The following COL22A1 variants were observed in gnomAD, a reference collection of about 807,000 sequenced individuals.
The protein encoded by COL22A1 is collagen type XXII alpha 1 chain.
A neutral mutation model predicts 248.9 loss-of-function variants in COL22A1; 221 were observed. The ratio of observed to expected loss-of-function variants is 0.89; its 90% CI spans 0.80 to 0.99. The LOEUF is 0.99. Among genes scored for constraint, COL22A1 ranks in the 50% least tolerant of loss-of-function variants. The pLI, the probability that COL22A1 is intolerant of heterozygous loss-of-function variation, is 0.00. For synonymous variants in COL22A1, 891 were observed against 793.4 expected (o/e 1.12, Z -2.07); for missense variants, 2,240 against 2,179.0 (o/e 1.03, Z -0.56).
intron 44 of COL22A1, among the ~76,000 whole-genome samples, chr8:138,658,261 G>C (rs1823472632): frequency 6.6e-6 from 1 of 152,186 alleles, no homozygotes; most frequent in South Asian, 2.1e-4. Flanking sequence ...AAATGTCCAG[G>C]CTGCTGCCTG....
At chr8:138,838,492 G>C (rs1296551361) in intron 4 of COL22A1, among the ~76,000 whole-genome samples, 1 of 152,118 alleles carries the variant, frequency 6.6e-6, no homozygotes, top group Non-Finnish European at 1.5e-5. Flanking sequence ...ACCTTCATCT[G>C]CTTTTCCCTT....
intron 30 of COL22A1, among the ~76,000 whole-genome samples, chr8:138,711,957 C>T (rs925712362): frequency 5.3e-5 from 8 of 152,200 alleles, no homozygotes; most frequent in Non-Finnish European, 8.8e-5. Flanking sequence ...TGCAGCTCTG[C>T]ACAAGCAACT....
At chr8:138,793,560 C>T (rs958885001) in intron 12 of COL22A1, among the ~76,000 whole-genome samples, 2 of 152,224 alleles carry the variant, frequency 1.3e-5, no homozygotes, top group African/African-American at 4.8e-5. Context: ...CTAAAAATAT[C>T]AACTGCAGGA....
At chr8:138,812,540 C>G (rs1037582535) in intron 8 of COL22A1, among the ~76,000 whole-genome samples, 6 of 152,178 alleles carry the variant, frequency 3.9e-5, no homozygotes, top group African/African-American at 1.2e-4. Flanking sequence ...GGGGCAAACC[C>G]TGGTGTCTTG....
At chr8:138,838,871 G>T (rs1820647104) in intron 4 of COL22A1, among the ~76,000 whole-genome samples, 1 of 152,140 alleles carries the variant, frequency 6.6e-6, no homozygotes, top group Non-Finnish European at 1.5e-5. Flanking sequence ...CTTAGTGATG[G>T]CCCAGGTCAC....
intron 52 of COL22A1, 31 bp downstream of exon 52, chr8:138,623,701 G>A (rs1334806246): frequency 5.1e-6 from 8 of 1,579,500 alleles, no homozygotes; most frequent in East Asian, 2.2e-5. Context: ...GATTTGGCAT[G>A]TGATATAATA....
At chr8:138,648,929 G>A (rs1162429346) in intron 46 of COL22A1, among the ~76,000 whole-genome samples, 1 of 152,198 alleles carries the variant, frequency 6.6e-6, no homozygotes, top group Non-Finnish European at 1.5e-5. Context: ...CTATATAAAA[G>A]AGTGAGATTT....
intron 3 of COL22A1, among the ~76,000 whole-genome samples, chr8:138,861,505 G>A (rs1472296173): frequency 1.3e-5 from 2 of 152,198 alleles, no homozygotes; most frequent in Non-Finnish European, 2.9e-5. Context: ...ACATCCTGCA[G>A]GACTCAACGC....
intron 25 of COL22A1, among the ~76,000 whole-genome samples, chr8:138,724,299 C>T (rs76059483): frequency 0.011 from 1,632 of 152,266 alleles, 35 homozygotes; most frequent in East Asian, 0.089. Flanking sequence ...CAAGGACAAG[C>T]GGTCATGCCT....
At chr8:138,660,520 A>G (rs1823725415) in intron 43 of COL22A1, 40 bp from the exon 44 acceptor site, 1 of 1,591,448 alleles carries the variant, frequency 6.3e-7, no homozygotes, top group Admixed American at 1.7e-5. Context: ...TGTGATAAGC[A>G]CACGATCCTG....
At chr8:138,815,809 A>T (rs965162841) in intron 7 of COL22A1, among the ~76,000 whole-genome samples, 5 of 152,166 alleles carry the variant, frequency 3.3e-5, no homozygotes, top group Non-Finnish European at 7.3e-5. Flanking sequence ...GCTTGAGCTC[A>T]GTCAGTGGAG....
At chr8:138,728,472 G>A (rs1333673251) in intron 23 of COL22A1, among the ~76,000 whole-genome samples, 3 of 152,102 alleles carry the variant, frequency 2.0e-5, no homozygotes, top group Admixed American at 6.5e-5. Context: ...GTCTAAGGAT[G>A]CCGATGACCT....
At chr8:138,813,891 C>T (rs2131711728) in intron 7 of COL22A1, among the ~76,000 whole-genome samples, 1 of 152,354 alleles carries the variant, frequency 6.6e-6, no homozygotes, top group South Asian at 2.1e-4. Context: ...TATTTTCAAC[C>T]TCTCCAGGCA....
At chr8:138,885,034 GCACACACA>G (rs1472334695) in intron 1 of COL22A1, among the ~76,000 whole-genome samples, 1 of 148,624 alleles carries the variant, frequency 6.7e-6, no homozygotes, top group South Asian at 2.1e-4. Context: ...ACACACACAC[GCACACACA>G]CACAGGGGAA....
chr8:138,701,712 A>G (rs910386601), intron 31 of COL22A1, among the ~76,000 whole-genome samples: 1 of 152,210 alleles, frequency 6.6e-6, no homozygotes, highest in Non-Finnish European at 1.5e-5. Flanking sequence ...GGATAAGAAA[A>G]TTGGAGGACA....
intron 25 of COL22A1, among the ~76,000 whole-genome samples, chr8:138,723,861 A>G (rs1830094978): frequency 6.6e-6 from 1 of 152,108 alleles, no homozygotes; most frequent in African/African-American, 2.4e-5. Flanking sequence ...TCTCCCATGG[A>G]TCTGTGCTCC....
intron 11 of COL22A1, among the ~76,000 whole-genome samples, chr8:138,797,069 A>G (rs1436272970): frequency 6.6e-6 from 1 of 152,226 alleles, no homozygotes; most frequent in African/African-American, 2.4e-5. Context: ...TCAATATTAT[A>G]GTTACTATTC....
At chr8:138,775,885 TAC>T (rs1814405991) in intron 16 of COL22A1, 79 bp downstream of exon 16, 3 of 1,304,122 alleles carry the variant, frequency 2.3e-6, no homozygotes, top group Non-Finnish European at 3.3e-6. Context: ...CACACGAGCA[TAC>T]ACAGAGCAGA....
chr8:138,608,883 C>T (rs574397738), intron 56 of COL22A1, among the ~76,000 whole-genome samples: 2 of 152,298 alleles, frequency 1.3e-5, no homozygotes, highest in African/African-American at 2.4e-5. Context: ...TACGCCTTGT[C>T]GTTCTTTGGA....
Sources: allele counts gnomAD v4.1 joint callset (sites outside exome capture counted in the v4.1 genomes callset), GRCh38; gene constraint gnomAD v4.1.1; transcripts MANE v1.5; gene names NCBI Gene and HGNC (gene_info 2026-07-23, HGNC 2026-07-21).